The following SPEN variants were observed in gnomAD, a reference collection of about 807,000 sequenced individuals.
SPEN encodes the protein msx2-interacting protein.
Under a neutral mutation model 269.9 loss-of-function variants are expected in SPEN, and 18 were observed. That is an observed-to-expected ratio of 0.07 (90% CI 0.05 to 0.10). The LOEUF (loss-of-function observed/expected upper bound fraction) is 0.10, where lower values mean the gene tolerates loss of function less well. SPEN is among the 10% of genes least tolerant of loss of function. The pLI, the probability that SPEN is intolerant of heterozygous loss-of-function variation, is 1.00. For missense variants in SPEN, 3,822 were observed against 4,631.2 expected (o/e 0.83, Z 5.07); for synonymous variants, 1,726 against 1,765.7 (o/e 0.98, Z 0.56).
At chr1:15,923,763 T>G (rs2071140589) in intron 10 of SPEN, among the ~76,000 whole-genome samples, 1 of 151,884 alleles carries the variant, frequency 6.6e-6, no homozygotes, top group Non-Finnish European at 1.5e-5. Context: ...TCTGCCTTGC[T>G]GGTTCAAGCG....
At chr1:15,884,100 G>T (rs1252463588) in intron 3 of SPEN, among the ~76,000 whole-genome samples, 1 of 152,110 alleles carries the variant, frequency 6.6e-6, no homozygotes, top group Non-Finnish European at 1.5e-5. Flanking sequence ...ATGAGCCACA[G>T]CGCTCGGCTT....
rs1181006562 is a variant in SPEN, at chr1:15,934,274, A to G, written c.8034A>G (p.Thr2678=). The G allele has an allele frequency of 1.2e-6, 2 of 1,614,056 alleles. No individual in the cohort carries two copies. Among genetic ancestry groups the G allele is most frequent in the Non-Finnish European group, 1.7e-6 (2 of 1,180,032 alleles). The change falls in exon 11 of 15, where the codon ACA becomes ACG. Residue 2678 remains threonine (T), a synonymous_variant. Transcript: ENST00000375759. The surrounding 1 kb of genome is among the most constrained non-coding windows in gnomAD (Gnocchi z 9.2). ...LKGPVKGSVT[T]LKSLVSTPAG... Reference sequence around the variant, plus strand: ...GCCCCGTGAAGGGCTCAGTGACCACACTGAAAAGTTTGGTGAGCACCCCTG... The same window carrying G: ...GCCCCGTGAAGGGCTCAGTGACCACGCTGAAAAGTTTGGTGAGCACCCCTG...
intron 1 of SPEN, among the ~76,000 whole-genome samples, chr1:15,867,520 C>A (rs2070526644): frequency 6.6e-6 from 1 of 152,112 alleles, no homozygotes; most frequent in African/African-American, 2.4e-5. Flanking sequence ...TTTATCCATT[C>A]ATCAGTTGAT....
intron 2 of SPEN, 27 bp downstream of exon 2, chr1:15,873,163 G>A: frequency 1.3e-6 from 2 of 1,564,464 alleles, no homozygotes; most frequent in Non-Finnish European, 1.7e-6. Context: ...CTGTAGGCAG[G>A]TATTTTGTAT....
intron 1 of SPEN, among the ~76,000 whole-genome samples, chr1:15,872,092 G>T (rs991491083): frequency 1.3e-5 from 2 of 151,742 alleles, no homozygotes; most frequent in African/African-American, 4.8e-5. Context: ...AAAAACATTA[G>T]TTGGGTGTGG....
chr1:15,918,694 C>T (rs1388612882), intron 6 of SPEN, among the ~76,000 whole-genome samples: 1 of 152,130 alleles, frequency 6.6e-6, no homozygotes, highest in Non-Finnish European at 1.5e-5. Context: ...GCTGTTGCTC[C>T]TCTGCAGAGA....
chr1:15,921,037 C>A, intron 9 of SPEN, 54 bp downstream of exon 9: 2 of 1,225,832 alleles, frequency 1.6e-6, no homozygotes, highest in South Asian at 1.4e-5. Context: ...CAAATCTCAC[C>A]CTCTTGGGCT....
intron 3 of SPEN, among the ~76,000 whole-genome samples, chr1:15,880,601 A>T (rs1362933674): frequency 6.6e-6 from 1 of 151,686 alleles, no homozygotes; most frequent in Non-Finnish European, 1.5e-5. Context: ...GATTACAGGC[A>T]CTGCCACCAT....
Position 15,866,423 on chromosome 1 carries a change from G to C in SPEN, c.84-6393G>C, listed in dbSNP as rs931058539. On this transcript the variant is annotated intron_variant, in intron 1 of 14. Transcript: ENST00000375759. ...GGCTGGAGTGCAGTGGTGCGATCTT[G>C]GCTCACTGCAAGCTCTGCCTCCCGG... 5.3e-4 allele frequency among the ~76,000 whole-genome samples: 80 copies of C among 152,156 alleles called. 2 individuals are homozygous for C. The highest frequency in any genetic ancestry group is 2.1e-3 in the Admixed American group (32 of 15,268).
chr1:15,851,199 G>A (rs998252699), intron 1 of SPEN, among the ~76,000 whole-genome samples: 2 of 152,092 alleles, frequency 1.3e-5, no homozygotes, highest in Non-Finnish European at 2.9e-5. Flanking sequence ...GGGGTGGATG[G>A]CGATTTGGCT....
At chr1:15,864,509 T>C (rs1348738434) in intron 1 of SPEN, among the ~76,000 whole-genome samples, 1 of 149,994 alleles carries the variant, frequency 6.7e-6, no homozygotes, top group East Asian at 2.0e-4. Context: ...AGCAGTGTTG[T>C]AGTAAGCAAT....
At chr1:15,921,261 C>T (rs763038341) in intron 9 of SPEN, among the ~76,000 whole-genome samples, 13 of 152,104 alleles carry the variant, frequency 8.5e-5, no homozygotes, top group African/African-American at 1.9e-4. Flanking sequence ...ACCCAGGAGG[C>T]GGAGGTTGCA....
chr1:15,888,325 T>A (rs1308560538), intron 3 of SPEN, among the ~76,000 whole-genome samples: 2 of 147,528 alleles, frequency 1.4e-5, no homozygotes, highest in African/African-American at 5.3e-5. Flanking sequence ...TTTTTTTTAA[T>A]TTTATTATTT....
In SPEN at chr1:15,932,534, T is replaced by C. The variant is rs1212423713; in HGVS notation, c.6294T>C (p.Ala2098=). The C allele has an allele frequency of 1.3e-6, 2 of 1,599,588 alleles. No homozygotes were observed. The highest frequency in any genetic ancestry group is 1.7e-6 in the Non-Finnish European group (2 of 1,171,190). Residue 2098 remains alanine (A), a synonymous_variant, in exon 11 of 15, where the codon GCT becomes GCC. Coordinates refer to ENST00000375759, the MANE Select transcript of SPEN (RefSeq NM_015001.3). The surrounding 1 kb of genome is among the most constrained non-coding windows in gnomAD (Gnocchi z 4.2). ...CTGCAAGTCTGAAAAATGTGGATGC[T>C]GCTGTCAGTCCCAGGGGGGCTGCAG... ...DKSASLKNVD[A]AVSPRGAAAQ...
Position 15,936,215 on chromosome 1 carries a change from T to G in SPEN, c.9975T>G (p.Phe3325Leu). ...CGGCCCAGCTCACACACACTCAGTT[T>G]CCCGCCGCTTCCTCTGTTGGCCTGC... is the stretch of plus-strand genomic sequence containing the variant. ...HPPAQLTHTQ[F>L]PAASSVGLPS... Residue 3325 changes from phenylalanine to leucine, a missense_variant, in exon 11 of 15, where the codon TTT becomes TTG. Around this residue, in one of 16 missense-constraint regions of SPEN, gnomAD observed 359 missense variants for 377.3 expected, o/e 0.95. Coordinates refer to ENST00000375759, the MANE Select transcript of SPEN (RefSeq NM_015001.3). 1 of 1,562,162 alleles carries G rather than the reference T, an allele frequency of 6.4e-7. No homozygotes were observed. Among genetic ancestry groups the G allele is most frequent in the Non-Finnish European group, 8.7e-7 (1 of 1,147,354 alleles).
At chr1:15,918,216 T>C (rs1293026344) in intron 6 of SPEN, among the ~76,000 whole-genome samples, 2 of 152,226 alleles carry the variant, frequency 1.3e-5, no homozygotes, top group East Asian at 1.9e-4. Context: ...TTCTCAGATA[T>C]CATATTTTAT....
rs146829258 is a variant in SPEN at position 15,876,715 on chromosome 1, G to A, written c.881+37G>A. 2.8e-6 allele frequency: 4 copies of A among 1,452,548 alleles called. No individual in the cohort carries two copies. In the East Asian group the frequency reaches 9.1e-5, roughly 33 times the overall value. 90.0% of individuals were successfully genotyped at this position (1,452,548 alleles called of 1,614,324 possible). On this transcript the variant is annotated intron_variant, in intron 3 of 14. Transcript: ENST00000375759. Reference sequence around the variant, plus strand: ...GCCTTTTGTTATAACAGATGAGCTAGCTTTAAACAAATTCTCAACAATCAG... The same window carrying A: ...GCCTTTTGTTATAACAGATGAGCTAACTTTAAACAAATTCTCAACAATCAG...
intron 13 of SPEN, 84 bp downstream of exon 13, chr1:15,938,090 C>A (rs865787027): frequency 5.5e-5 from 68 of 1,246,748 alleles, no homozygotes; most frequent in Middle Eastern, 4.6e-4. Context: ...ATCTCCCTGG[C>A]CTGTCATGGA....
intron 1 of SPEN, among the ~76,000 whole-genome samples, chr1:15,863,929 T>C (rs1454875573): frequency 6.6e-6 from 1 of 152,222 alleles, no homozygotes; most frequent in Non-Finnish European, 1.5e-5. Context: ...CTAATGTCGA[T>C]GACCAATGAA....
Sources: allele counts gnomAD v4.1 joint callset (sites outside exome capture counted in the v4.1 genomes callset), GRCh38; gene constraint gnomAD v4.1.1; regional missense constraint gnomAD v4.1.1; non-coding constraint Gnocchi (gnomAD v3.1); transcripts MANE v1.5; gene names NCBI Gene and HGNC (gene_info 2026-07-23, HGNC 2026-07-21).